Variants in UNC13B observed in about 807,000 individuals in gnomAD.
The protein encoded by UNC13B is protein unc-13 homolog B.
A neutral mutation model predicts 211.0 loss-of-function variants in UNC13B; 144 were observed. The observed-to-expected ratio is 0.68, with a 90% CI of 0.60 to 0.78. The LOEUF (loss-of-function observed/expected upper bound fraction) is 0.78. Among genes scored for constraint, UNC13B ranks in the 30% least tolerant of loss-of-function variants. UNC13B has a pLI of 0.00. For synonymous variants in UNC13B, 709 were observed against 725.8 expected, an observed-to-expected ratio of 0.98 and a Z score of 0.37; for missense variants, 1,777 against 2,002.0, an observed-to-expected ratio of 0.89 and a Z score of 2.14.
At chr9:35,351,284 T>C in intron 11 of UNC13B, 1 of 1,184,132 alleles carries the variant, frequency 8.4e-7, no homozygotes, top group Non-Finnish European at 1.0e-6. Context: ...CTATTTTCCT[T>C]TTTCACTAGC....
intron 11 of UNC13B, chr9:35,351,785 C>T (rs1165473458): frequency 8.1e-7 from 1 of 1,232,180 alleles, no homozygotes; most frequent in African/African-American, 1.6e-5. Context: ...CCAGCTTCCT[C>T]TGGGCTCCAC....
intron 7 of UNC13B, among the ~76,000 whole-genome samples, chr9:35,278,076 G>C (rs567888276): frequency 6.6e-6 from 1 of 152,212 alleles, no homozygotes; most frequent in Non-Finnish European, 1.5e-5. Context: ...AGAATGAGGA[G>C]AGGATTACAA....
chr9:35,393,853 G>A (rs952120254), intron 26 of UNC13B, among the ~76,000 whole-genome samples: 3 of 152,100 alleles, frequency 2.0e-5, no homozygotes, highest in Non-Finnish European at 4.4e-5. Context: ...TTACAGGTGT[G>A]AGCCAATGCA....
intron 11 of UNC13B, among the ~76,000 whole-genome samples, chr9:35,331,712 C>A (rs752600130): frequency 9.2e-5 from 14 of 152,110 alleles, no homozygotes; most frequent in Non-Finnish European, 2.1e-4. Context: ...TCACTTTTTC[C>A]TCATTCTTAC....
At chr9:35,372,254 A>C (rs1286427314) in intron 13 of UNC13B, among the ~76,000 whole-genome samples, 1 of 152,252 alleles carries the variant, frequency 6.6e-6, no homozygotes, top group African/African-American at 2.4e-5. Flanking sequence ...CCTGGGCGAC[A>C]GTGCAAGACT....
chr9:35,204,592 G>A (rs1346188997), intron 1 of UNC13B, among the ~76,000 whole-genome samples: 1 of 152,206 alleles, frequency 6.6e-6, no homozygotes, highest in Non-Finnish European at 1.5e-5. Flanking sequence ...GGAGTCAAAG[G>A]AGATTATTTT....
At chr9:35,174,015 T>G (rs894373559) in intron 1 of UNC13B, among the ~76,000 whole-genome samples, 2 of 152,212 alleles carry the variant, frequency 1.3e-5, no homozygotes, top group African/African-American at 4.8e-5. Context: ...TGAAAGTGAT[T>G]AGTACTGTCC....
chr9:35,213,409 G>A (rs897883372), intron 1 of UNC13B, among the ~76,000 whole-genome samples: 2 of 152,172 alleles, frequency 1.3e-5, no homozygotes, highest in Non-Finnish European at 2.9e-5. Flanking sequence ...GAACAAAATC[G>A]GCTGGCATCT....
chr9:35,252,325 T>G (rs913370088), intron 6 of UNC13B, among the ~76,000 whole-genome samples: 3 of 150,220 alleles, frequency 2.0e-5, no homozygotes, highest in African/African-American at 4.9e-5. Context: ...TGATTTTCTT[T>G]CTTTCTTTTA....
At chr9:35,259,232 C>A (rs1029665009) in intron 7 of UNC13B, among the ~76,000 whole-genome samples, 182 bp downstream of exon 7, 1 of 152,072 alleles carries the variant, frequency 6.6e-6, no homozygotes, top group Middle Eastern at 3.2e-3. Context: ...TTTAGGGAGA[C>A]GTTTTTCGGT....
Position 35,166,794 on chromosome 9 carries a change from T to C in UNC13B, c.22+4489T>C, listed in dbSNP as rs1056806462. Among the ~76,000 whole-genome samples, 3 of 152,252 alleles carry C rather than the reference T, an allele frequency of 2.0e-5. No homozygotes were observed. The East Asian group carries it at 5.8e-4, about 29-fold the overall frequency. On this transcript the variant is annotated intron_variant, in intron 1 of 39. Coordinates refer to ENST00000635942, the MANE Select transcript of UNC13B (RefSeq NM_001371189.2). Reference sequence around the variant, plus strand: ...ATTCTTACTTCCCAGAGGTAACTACTGTTTACTGTCTCTTACCTATCCTTC... The same window carrying C: ...ATTCTTACTTCCCAGAGGTAACTACCGTTTACTGTCTCTTACCTATCCTTC...
chr9:35,248,682 C>T (rs756829372), intron 6 of UNC13B, among the ~76,000 whole-genome samples: 1 of 152,062 alleles, frequency 6.6e-6, no homozygotes, highest in Non-Finnish European at 1.5e-5. Context: ...GAGTTTATTA[C>T]TCCTGAGTTC....
chr9:35,194,888 A>G (rs1822851870), intron 1 of UNC13B, among the ~76,000 whole-genome samples: 2 of 152,200 alleles, frequency 1.3e-5, no homozygotes, highest in Admixed American at 1.3e-4. Flanking sequence ...AAAGAGAAAC[A>G]AAAAGAAAGG....
intron 1 of UNC13B, among the ~76,000 whole-genome samples, chr9:35,193,121 C>T (rs1306794857): frequency 6.6e-6 from 1 of 152,172 alleles, no homozygotes; most frequent in Admixed American, 6.5e-5. Context: ...CTTGTGTGAC[C>T]TGCCTGGCTC....
In UNC13B at chr9:35,307,333, G is replaced by A. The variant is rs1239780736; in HGVS notation, c.7929G>A (p.Ser2643=). Reference sequence around the variant, plus strand: ...TGCAAGCTACAGACACGGAGGCATCGTTAGAAGCAGAGAACTTTGCGCTGC... The same window carrying A: ...TGCAAGCTACAGACACGGAGGCATCATTAGAAGCAGAGAACTTTGCGCTGC... ...GILQATDTEA[S]LEAENFALPA... Residue 2643 remains serine, a synonymous_variant, in exon 9 of 40, where the codon TCG becomes TCA. Transcript: ENST00000635942. 7.5e-6 allele frequency: 3 copies of A among 398,874 alleles called. No homozygotes were observed. The highest frequency in any genetic ancestry group is 3.6e-5 in the East Asian group (1 of 28,082). 24.7% of individuals were successfully genotyped at this position (398,874 alleles called of 1,614,324 possible).
chr9:35,253,451 GA>G (rs139509279), intron 6 of UNC13B, among the ~76,000 whole-genome samples: 22,114 of 151,810 alleles, frequency 0.15, 1,871 homozygotes, highest in Admixed American at 0.25. Context: ...TTTTTATCAT[GA>G]AAAAAATTTA....
At chr9:35,183,115 C>G (rs1414793883) in intron 1 of UNC13B, among the ~76,000 whole-genome samples, 2 of 142,636 alleles carry the variant, frequency 1.4e-5, no homozygotes, top group African/African-American at 5.1e-5. Flanking sequence ...AGGTGCTCCT[C>G]ACCTCCCAGA....
At position 35,404,126 on chromosome 9, in the gene UNC13B, G is replaced by A; in HGVS notation, c.*93G>A. 7.4e-6 allele frequency: 11 copies of A among 1,484,930 alleles called. No homozygotes were observed. Among genetic ancestry groups the A allele is most frequent in the Non-Finnish European group, 9.9e-6 (11 of 1,111,034 alleles). 92.0% of individuals were successfully genotyped at this position (1,484,930 alleles called of 1,614,324 possible). A position where few individuals can be genotyped will look rare whatever the true frequency, so the allele number is the denominator to read the frequency against. ...GTGTAACCGGCTTAGGGTCTTTGCA[G>A]TCAAGAGGCTGACCCCTTCAGTTAA... is the stretch of plus-strand genomic sequence containing the variant. On this transcript the variant is annotated 3_prime_UTR_variant, in exon 40 of 40. Transcript: ENST00000635942.
chr9:35,397,743 A>G (rs773678112), intron 30 of UNC13B, 31 bp downstream of exon 30: 4 of 1,608,754 alleles, frequency 2.5e-6, no homozygotes, highest in Non-Finnish European at 3.4e-6. Flanking sequence ...TCTTACAGAA[A>G]GAGAGTGGAA....
Sources: gnomAD v4.1 joint callset for allele counts (sites outside exome capture counted in the v4.1 genomes callset) on GRCh38, gnomAD v4.1.1 for gene constraint, MANE v1.5 for transcripts, NCBI Gene and HGNC (gene_info 2026-07-23, HGNC 2026-07-21) for gene names.